Variants in MAPK10 observed in about 807,000 individuals in gnomAD.
The protein encoded by MAPK10 is JNK3 alpha protein kinase.
MAPK10 carries 25 observed loss-of-function variants against 59.3 expected under a neutral mutation model. The ratio of observed to expected loss-of-function variants is 0.42; its 90% CI spans 0.31 to 0.59. The LOEUF (loss-of-function observed/expected upper bound fraction) is 0.59. MAPK10 is among the 20% of genes least tolerant of loss of function. The probability of loss-of-function intolerance (pLI) is 0.15; values close to 1 mark genes in which losing one functional copy is unlikely to be tolerated. For missense variants in MAPK10, 351 were observed against 568.9 expected, an observed-to-expected ratio of 0.62 and a Z score of 3.90; for synonymous variants, 190 against 200.5, an observed-to-expected ratio of 0.95 and a Z score of 0.44.
chr4:86,269,456 C>T (rs2094360152), intron 2 of MAPK10, among the ~76,000 whole-genome samples: 1 of 152,128 alleles, frequency 6.6e-6, no homozygotes, highest in African/African-American at 2.4e-5. Context: ...TAAGTTCTTC[C>T]TCTGGCTTCC....
In MAPK10 at chr4:86,029,286, A is replaced by C; in HGVS notation, c.1175-12T>G. 6.4e-7 allele frequency: 1 copy of C among 1,553,058 alleles called. No individual in the cohort carries two copies. The highest frequency in any genetic ancestry group is 2.2e-5 in the East Asian group (1 of 44,456). ...CTTGTAGATAAGTTCTGTAAGAAAC[A>C]GCTGTGTTATTATAGAAAACAAATT... On this transcript the variant is annotated splice_polypyrimidine_tract_variant and intron_variant, in intron 12 of 13. Transcript: ENST00000641462.
intron 2 of MAPK10, among the ~76,000 whole-genome samples, chr4:86,341,734 ATAAT>A (rs1192591123): frequency 6.6e-6 from 1 of 152,076 alleles, no homozygotes; most frequent in African/African-American, 2.4e-5. Context: ...TAGAAGACAA[ATAAT>A]TAATTAACAA....
chr4:86,086,072 C>T (rs1225103566), intron 9 of MAPK10, among the ~76,000 whole-genome samples: 7 of 151,994 alleles, frequency 4.6e-5, no homozygotes, highest in Admixed American at 1.3e-4. Context: ...GCATGCTGGG[C>T]TTAATACCTA....
rs538446416 is a variant in MAPK10, at chr4:86,423,659, G to C, written c.-122+29371C>G. On this transcript the variant is annotated intron_variant, in intron 1 of 13. Transcript: ENST00000361569. ...TTTTTTGTGAAGGGGCATTAATATA[G>C]GAATAGCATGAGAATGGTGTGAGAC... Among the ~76,000 whole-genome samples, 232 of 151,418 alleles carry C rather than the reference G, an allele frequency of 1.5e-3. 4 individuals carry two copies. The highest frequency in any genetic ancestry group is 5.4e-3 in the African/African-American group (221 of 41,238).
intron 2 of MAPK10, among the ~76,000 whole-genome samples, chr4:86,340,751 A>G (rs1724428889): frequency 1.3e-5 from 2 of 152,148 alleles, no homozygotes; most frequent in African/African-American, 2.4e-5. Flanking sequence ...ACAATTTTCA[A>G]AAAGGAAACT....
intron 4 of MAPK10, among the ~76,000 whole-genome samples, chr4:86,146,310 C>A (rs187358841): frequency 6.6e-4 from 101 of 152,188 alleles, no homozygotes; most frequent in African/African-American, 2.3e-3. Context: ...GGGAAATGGA[C>A]AATGTAAGGA....
chr4:86,368,482 G>T (rs1275227206), intron 1 of MAPK10, among the ~76,000 whole-genome samples: 1 of 152,076 alleles, frequency 6.6e-6, no homozygotes. Context: ...TCTTGCTCAG[G>T]AGTCAATTTT....
At chr4:86,464,524 T>G (rs763965147) in intron 1 of MAPK10, among the ~76,000 whole-genome samples, 2 of 152,088 alleles carry the variant, frequency 1.3e-5, no homozygotes, top group Non-Finnish European at 2.9e-5. Context: ...CAGTTAAGAG[T>G]AGAATGCACC....
rs191953702 is a variant in MAPK10 at position 86,244,903 on chromosome 4, A to C, written c.-6-50496T>G. 3.2e-3 allele frequency among the ~76,000 whole-genome samples: 483 copies of C among 152,344 alleles called. 2 individuals are homozygous for C. The highest frequency in any genetic ancestry group is 0.011 in the African/African-American group (446 of 41,582). ...TCTACTGTGAAATTTGGAAGGCTCTAGATTGCTTCCCCATCCTTCAGCATT... is the reference window on the plus strand; with the variant it reads ...TCTACTGTGAAATTTGGAAGGCTCTCGATTGCTTCCCCATCCTTCAGCATT... On this transcript the variant is annotated intron_variant, in intron 2 of 13. Transcript: ENST00000641462.
intron 1 of MAPK10, among the ~76,000 whole-genome samples, chr4:86,414,471 T>C (rs1017895421): frequency 2.0e-5 from 3 of 152,202 alleles, no homozygotes; most frequent in Non-Finnish European, 4.4e-5. Flanking sequence ...GTGTGATAGC[T>C]AGAATTGTTA....
chr4:86,148,823 G>A (rs749902008), intron 4 of MAPK10, among the ~76,000 whole-genome samples: 18 of 152,146 alleles, frequency 1.2e-4, no homozygotes, highest in African/African-American at 3.6e-4. Context: ...ATGGACCAAC[G>A]GCTTAGAAGT....
chr4:86,591,918 T>C (rs1763075770), intron 1 of MAPK10, among the ~76,000 whole-genome samples: 1 of 152,124 alleles, frequency 6.6e-6, no homozygotes, highest in Non-Finnish European at 1.5e-5. Flanking sequence ...ATTATGATGT[T>C]ATGTTATAAA....
At chr4:86,188,386 C>T (rs1449641817) in intron 3 of MAPK10, among the ~76,000 whole-genome samples, 2 of 152,180 alleles carry the variant, frequency 1.3e-5, no homozygotes, top group Non-Finnish European at 2.9e-5. Context: ...TTTCCTATTC[C>T]TCCACATCCT....
intron 1 of MAPK10, among the ~76,000 whole-genome samples, chr4:86,547,622 C>A (rs1403011943): frequency 6.6e-6 from 1 of 152,224 alleles, no homozygotes; most frequent in Non-Finnish European, 1.5e-5. Flanking sequence ...ATTGACCACC[C>A]AAGGGCTGAG....
chr4:86,027,644 A>G (rs796184436), intron 13 of MAPK10: 90 of 152,342 alleles, frequency 5.9e-4, no homozygotes, highest in African/African-American at 2.1e-3. Flanking sequence ...GTACTAAGAA[A>G]TATGCTGAGG....
At chr4:86,107,769 TATG>T (rs1409553987) in intron 4 of MAPK10, 5 of 413,792 alleles carry the variant, frequency 1.2e-5, no homozygotes, top group African/African-American at 4.3e-5. Context: ...TCTGTTAATA[TATG>T]ATATTTAATT....
intron 9 of MAPK10, among the ~76,000 whole-genome samples, chr4:86,088,355 T>A (rs1464990527): frequency 6.6e-6 from 1 of 152,084 alleles, no homozygotes; most frequent in Non-Finnish European, 1.5e-5. Flanking sequence ...AATTTTTTAT[T>A]TTTGTTTTTT....
At chr4:86,284,426 C>T (rs2094926664) in intron 2 of MAPK10, among the ~76,000 whole-genome samples, 1 of 152,172 alleles carries the variant, frequency 6.6e-6, no homozygotes, top group Non-Finnish European at 1.5e-5. Flanking sequence ...CTCTGAACGA[C>T]TTCCATTCTA....
At chr4:86,060,807 A>G (rs575425940) in intron 11 of MAPK10, among the ~76,000 whole-genome samples, 13 of 152,294 alleles carry the variant, frequency 8.5e-5, no homozygotes, top group Admixed American at 5.9e-4. Context: ...AGAAAATGAA[A>G]AAAATGGACC....
Sources: gnomAD v4.1 joint callset for allele counts (sites outside exome capture counted in the v4.1 genomes callset) on GRCh38, gnomAD v4.1.1 for gene constraint, MANE v1.5 for transcripts, NCBI Gene and HGNC (gene_info 2026-07-23, HGNC 2026-07-21) for gene names.